Variants in RARB observed in about 807,000 individuals in gnomAD.
RARB encodes retinoic acid receptor beta.
In RARB, 17 loss-of-function variants were observed where a neutral mutation model predicts 51.9. The observed-to-expected ratio is 0.33, with a 90% CI of 0.22 to 0.49. The LOEUF is 0.49. Among genes scored for constraint, RARB ranks in the 20% least tolerant of loss-of-function variants. RARB has a pLI of 0.99. For synonymous variants in RARB, 215 were observed against 195.4 expected (o/e 1.10, Z -0.84); for missense variants, 369 against 550.8 (o/e 0.67, Z 3.30).
chr3:25,250,652 T>C (rs1575257360), intron 5 of RARB, among the ~76,000 whole-genome samples: 2 of 151,868 alleles, frequency 1.3e-5, no homozygotes, highest in African/African-American at 4.8e-5. Flanking sequence ...GCTTCAGAAA[T>C]GTGGAGATGA....
intron 2 of RARB, among the ~76,000 whole-genome samples, chr3:25,484,552 AT>A (rs1171326131): frequency 2.6e-5 from 4 of 151,520 alleles, no homozygotes; most frequent in Non-Finnish European, 2.9e-5. Context: ...AGAGCTAAGA[AT>A]TTTTTTTTAC....
chr3:25,111,287 T>C (rs1699596459), intron 3 of RARB, among the ~76,000 whole-genome samples: 3 of 152,202 alleles, frequency 2.0e-5, no homozygotes, highest in Admixed American at 6.5e-5. Flanking sequence ...CAAAATAATA[T>C]TTAATTTCAA....
intron 3 of RARB, among the ~76,000 whole-genome samples, chr3:25,113,906 C>T (rs948806884): frequency 6.6e-6 from 1 of 152,060 alleles, no homozygotes; most frequent in Admixed American, 6.6e-5. Flanking sequence ...AAGGGACCTG[C>T]CAGGATAGTA....
chr3:24,937,171 A>G (rs999526555), intron 2 of RARB, among the ~76,000 whole-genome samples: 1 of 152,216 alleles, frequency 6.6e-6, no homozygotes. Context: ...TATTACATGG[A>G]AACAAAAATT....
intron 3 of RARB, among the ~76,000 whole-genome samples, chr3:25,103,095 A>C (rs945849133): frequency 5.3e-5 from 8 of 152,154 alleles, no homozygotes; most frequent in Non-Finnish European, 1.2e-4. Context: ...AGGGAGTGTA[A>C]GATGAGGAAG....
rs925798675 is a variant in RARB at position 25,120,598 on chromosome 3, C to A, written c.-327-11563C>A. ...ATTAGAGTATAATTTTCTGAATGTG[C>A]AGTTCAACCACTTCATACTGGAGGT... On this transcript the variant is annotated intron_variant, in intron 3 of 11. Coordinates refer to the RARB transcript ENST00000383772. 8.4e-5 allele frequency among the ~76,000 whole-genome samples: 12 copies of A among 143,458 alleles called. No individual in the cohort carries two copies. The East Asian group carries it at 2.3e-3, about 28-fold the overall frequency. The allele number at this position is 143,458 out of a possible 152,430, so 94.1% of individuals were successfully genotyped here.
intron 1 of RARB, among the ~76,000 whole-genome samples, chr3:24,856,037 A>G (rs186565351): frequency 0.011 from 1,620 of 150,896 alleles, 27 homozygotes; most frequent in South Asian, 0.056. Context: ...GGCGTGAACC[A>G]CTGCGCCTGG....
At chr3:25,242,577 G>T (rs1702459341) in intron 5 of RARB, among the ~76,000 whole-genome samples, 1 of 152,024 alleles carries the variant, frequency 6.6e-6, no homozygotes, top group South Asian at 2.1e-4. Flanking sequence ...TTTTCCCATT[G>T]CTTTTTTTTC....
At chr3:25,099,615 T>A (rs1201609723) in intron 3 of RARB, among the ~76,000 whole-genome samples, 4 of 142,544 alleles carry the variant, frequency 2.8e-5, no homozygotes, top group Non-Finnish European at 4.6e-5. Context: ...TTTCAGGATT[T>A]AAAAAAAAAA....
At chr3:24,982,114 A>G (rs190242428) in intron 2 of RARB, among the ~76,000 whole-genome samples, 2 of 152,180 alleles carry the variant, frequency 1.3e-5, no homozygotes, top group Non-Finnish European at 2.9e-5. Flanking sequence ...CCCTGCTGGC[A>G]TGTGTGGTCA....
chr3:25,048,216 A>G (rs573521549), intron 2 of RARB, among the ~76,000 whole-genome samples: 87 of 152,272 alleles, frequency 5.7e-4, no homozygotes, highest in African/African-American at 1.3e-3. Flanking sequence ...TCATCTCTTC[A>G]TTTAGTATAT....
intron 2 of RARB, among the ~76,000 whole-genome samples, chr3:24,919,184 A>G (rs1695166473): frequency 2.0e-5 from 3 of 152,216 alleles, no homozygotes; most frequent in Non-Finnish European, 4.4e-5. Context: ...CTATGATAAT[A>G]ATGATCTAGA....
At position 25,414,859 on chromosome 3, in the gene RARB, G is replaced by T. The variant is rs537407169; in HGVS notation, c.179-46334G>T. ...TGATATATGCTTTGCACAATTTTTT[G>T]AGATGGAATTTTGCTCTTGCTGCCC... is the stretch of plus-strand genomic sequence containing the variant. On this transcript the variant is annotated intron_variant, in intron 5 of 11. Coordinates refer to the RARB transcript ENST00000383772. Among the ~76,000 whole-genome samples, 3 of 152,138 alleles carry T rather than the reference G, an allele frequency of 2.0e-5. No homozygotes were observed. In the East Asian group the frequency reaches 5.8e-4, roughly 29 times the overall value.
intron 3 of RARB, among the ~76,000 whole-genome samples, chr3:25,521,990 T>G (rs1698419845): frequency 6.8e-6 from 1 of 146,754 alleles, no homozygotes. Context: ...CTTGCTGCTT[T>G]TTTCTCATAT....
chr3:25,544,782 C>T (rs1412256266), intron 3 of RARB, among the ~76,000 whole-genome samples: 2 of 152,204 alleles, frequency 1.3e-5, no homozygotes, highest in Non-Finnish European at 2.9e-5. Context: ...TTTGCCTTCC[C>T]TCTTTCTGGA....
intron 5 of RARB, among the ~76,000 whole-genome samples, chr3:25,387,457 CA>C (rs1706827127): frequency 6.6e-6 from 1 of 151,984 alleles, no homozygotes; most frequent in Non-Finnish European, 1.5e-5. Flanking sequence ...GGAGTTGAAG[CA>C]AAAAGGAGAA....
intron 5 of RARB, among the ~76,000 whole-genome samples, chr3:25,176,338 C>G (rs11719837): frequency 1.8e-5 from 1 of 54,118 alleles, no homozygotes; most frequent in African/African-American, 6.3e-5. Flanking sequence ...TCTTTCTTTC[C>G]TTCCTTCCTT....
intron 5 of RARB, among the ~76,000 whole-genome samples, chr3:25,224,963 A>G (rs1023633736): frequency 6.6e-6 from 1 of 152,142 alleles, no homozygotes; most frequent in African/African-American, 2.4e-5. Context: ...TATTCAGAAG[A>G]TAAGACAGCT....
At chr3:25,196,957 C>G (rs1320228373) in intron 5 of RARB, among the ~76,000 whole-genome samples, 2 of 151,990 alleles carry the variant, frequency 1.3e-5, no homozygotes, top group Non-Finnish European at 2.9e-5. Context: ...TTTGTAGATT[C>G]TGGATATTAG....
Sources: allele counts gnomAD v4.1 joint callset (sites outside exome capture counted in the v4.1 genomes callset), GRCh38; gene constraint gnomAD v4.1.1; transcripts MANE v1.5; gene names NCBI Gene and HGNC (gene_info 2026-07-23, HGNC 2026-07-21).